THADA: variants seen among roughly 807,000 people sequenced by gnomAD.
THADA encodes the protein tRNA (32-2'-O)-methyltransferase regulator THADA.
A neutral mutation model predicts 219.8 loss-of-function variants in THADA; 213 were observed. The observed-to-expected ratio is 0.97, with a 90% CI of 0.87 to 1.09. The LOEUF (loss-of-function observed/expected upper bound fraction) is 1.09. Ranked by LOEUF, THADA falls within the 50% of genes least tolerant of loss-of-function variation. THADA has a pLI of 0.00. For missense variants in THADA, 2,956 were observed against 2,311.3 expected (o/e 1.28, Z -5.72); for synonymous variants, 1,018 against 828.9 (o/e 1.23, Z -3.92).
chr2:43,527,841 G>C (rs1212733563), intron 22 of THADA, 38 bp downstream of exon 22: 10 of 1,420,668 alleles, frequency 7.0e-6, no homozygotes, highest in African/African-American at 5.7e-5. Flanking sequence ...TGTATATTTA[G>C]TCTTTTTAAA....
Position 43,293,050 on chromosome 2 carries a change from A to G in THADA, c.4602T>C (p.Ser1534=). 1 of 1,613,724 alleles carries G rather than the reference A, an allele frequency of 6.2e-7. No homozygotes were observed. Among genetic ancestry groups the G allele is most frequent in the Non-Finnish European group, 8.5e-7 (1 of 1,179,854 alleles). Reference sequence around the variant, plus strand: ...TGGGGACATTCGTCTCCCGCTCTCCACTCTTGGCTGCCGCGGCCCACACTG... The same window carrying G: ...TGGGGACATTCGTCTCCCGCTCTCCGCTCTTGGCTGCCGCGGCCCACACTG... The part of the protein sequence containing the change: ...IAAVWAAAAK[S]GERETNVPIS... The change falls in exon 32 of 38, where the codon AGT becomes AGC. Residue 1534 remains serine (S), a synonymous_variant. Coordinates refer to ENST00000405975, the MANE Select transcript of THADA (RefSeq NM_022065.5).
chr2:43,390,639 A>G (rs2104690500), intron 29 of THADA, among the ~76,000 whole-genome samples: 1 of 152,152 alleles, frequency 6.6e-6, no homozygotes, highest in Middle Eastern at 3.4e-3. Flanking sequence ...TACCTATTAT[A>G]TTTACTATAA....
chr2:43,506,462 G>A (rs1355645899), intron 23 of THADA, among the ~76,000 whole-genome samples: 2 of 152,140 alleles, frequency 1.3e-5, no homozygotes, highest in African/African-American at 2.4e-5. Context: ...ATAAGTGAAA[G>A]AAGCCACACA....
chr2:43,265,563 G>A (rs1262173148), intron 36 of THADA, among the ~76,000 whole-genome samples: 1 of 152,130 alleles, frequency 6.6e-6, no homozygotes, highest in African/African-American at 2.4e-5. Context: ...CCCCCACGGA[G>A]TTATTTATGA....
chr2:43,406,318 C>G (rs1290299161), intron 28 of THADA, among the ~76,000 whole-genome samples: 1 of 152,304 alleles, frequency 6.6e-6, no homozygotes, highest in East Asian at 1.9e-4. Context: ...TTTAATTGTT[C>G]AGAATTAGAA....
intron 31 of THADA, among the ~76,000 whole-genome samples, chr2:43,309,206 T>A (rs1289034712): frequency 6.6e-6 from 1 of 152,156 alleles, no homozygotes; most frequent in Non-Finnish European, 1.5e-5. Context: ...ACATGACACA[T>A]GAAAAGATGC....
At chr2:43,351,065 C>T (rs1668198728) in intron 29 of THADA, among the ~76,000 whole-genome samples, 1 of 152,154 alleles carries the variant, frequency 6.6e-6, no homozygotes, top group Non-Finnish European at 1.5e-5. Flanking sequence ...TTAACACTCC[C>T]ACTATTTTAG....
chr2:43,592,218 T>C (rs190196462), intron 2 of THADA, 99 bp downstream of exon 2: 39 of 1,055,728 alleles, frequency 3.7e-5, no homozygotes, highest in Admixed American at 1.2e-4. Flanking sequence ...AGGAAAAATA[T>C]AAAGAATTTG....
At chr2:43,438,583 G>C (rs1183221915) in intron 26 of THADA, among the ~76,000 whole-genome samples, 1 of 152,142 alleles carries the variant, frequency 6.6e-6, no homozygotes, top group African/African-American at 2.4e-5. Flanking sequence ...GCAGCCACTT[G>C]TTCATCAACA....
rs1673044748 is a variant in THADA, at chr2:43,389,048, C to T, written c.4227+8923G>A. ...TACCAGAGACCTTGCTACCCACTTC[C>T]CGCATATTAACTCATTTAATCTTCG... On this transcript the variant is annotated intron_variant, in intron 29 of 37. Coordinates refer to ENST00000405975, the MANE Select transcript of THADA (RefSeq NM_022065.5). 2.6e-5 allele frequency among the ~76,000 whole-genome samples: 4 copies of T among 152,106 alleles called. No homozygotes were observed. In the South Asian group the frequency reaches 8.3e-4, roughly 31 times the overall value.
chr2:43,552,343 G>C lies in THADA; in HGVS notation c.2675-4C>G. 1 of 1,581,054 alleles carries C rather than the reference G, an allele frequency of 6.3e-7. No homozygotes were observed. Among genetic ancestry groups the C allele is most frequent in the Non-Finnish European group, 8.6e-7 (1 of 1,167,968 alleles). On this transcript the variant is annotated splice_polypyrimidine_tract_variant and splice_region_variant and intron_variant, in intron 17 of 37. Coordinates refer to ENST00000405975, the MANE Select transcript of THADA (RefSeq NM_022065.5). ...TTTTCCATCAAGCATTTGATAACTA[G>C]AAAAAGCAAACAGAAAATCAAAGTA...
chr2:43,455,500 TCTCG>T (rs1440543134), intron 26 of THADA, among the ~76,000 whole-genome samples: 2 of 133,484 alleles, frequency 1.5e-5, no homozygotes, highest in Non-Finnish European at 3.1e-5. Flanking sequence ...AAGCACGTGC[TCTCG>T]CTCTCTCTCT....
chr2:43,303,212 C>G (rs748984403), intron 31 of THADA, among the ~76,000 whole-genome samples: 1 of 152,164 alleles, frequency 6.6e-6, no homozygotes, highest in African/African-American at 2.4e-5. Flanking sequence ...GTGGCCCATT[C>G]ACACAATTCC....
chr2:43,363,557 G>T (rs764379083), intron 29 of THADA, among the ~76,000 whole-genome samples: 25 of 152,252 alleles, frequency 1.6e-4, no homozygotes, highest in South Asian at 2.1e-4. Context: ...AGAGAAAGAG[G>T]GAGATTTCTC....
Position 43,418,433 on chromosome 2 carries a change from T to C in THADA, c.4058+9667A>G, listed in dbSNP as rs139720991. Among the ~76,000 whole-genome samples, 402 of 152,186 alleles carry C rather than the reference T, an allele frequency of 2.6e-3. 2 individuals are homozygous for C. The highest frequency in any genetic ancestry group is 9.5e-3 in the African/African-American group (396 of 41,534). On this transcript the variant is annotated intron_variant, in intron 28 of 37. Coordinates refer to ENST00000405975, the MANE Select transcript of THADA (RefSeq NM_022065.5). ...AGCGGGAGGAACCTCTGTGCCACCC[T>C]GAGTCCTGATTCTGATATGTTTCCC...
In THADA at chr2:43,577,166, C is replaced by T; in HGVS notation, c.893G>A (p.Cys298Tyr). 6.2e-7 allele frequency: 1 copy of T among 1,609,586 alleles called. No individual in the cohort carries two copies. Among genetic ancestry groups the T allele is most frequent in the Non-Finnish European group, 8.5e-7 (1 of 1,178,142 alleles). ...EWFMSSCRSL[C>Y]CGDISQSAVL... ...AGCTGACTGAGAGATGTCACCACAA[C>T]AGAGGCTCCTGCAGCTGCTCATAAA... Residue 298 changes from cysteine to tyrosine, a missense_variant, in exon 10 of 38, where the codon TGT becomes TAT. By Grantham distance (194) the Cys-to-Tyr change is radical. Coordinates refer to ENST00000405975, the MANE Select transcript of THADA (RefSeq NM_022065.5).
chr2:43,371,727 A>G (rs1355743857), intron 29 of THADA, among the ~76,000 whole-genome samples: 1 of 152,190 alleles, frequency 6.6e-6, no homozygotes, highest in East Asian at 1.9e-4. Flanking sequence ...AGTTTCTTCA[A>G]CTAAAACTAT....
intron 17 of THADA, 41 bp downstream of exon 17, chr2:43,556,304 C>T (rs538837420): frequency 6.2e-7 from 1 of 1,603,948 alleles, no homozygotes; most frequent in African/African-American, 1.3e-5. Flanking sequence ...AATACTGAGA[C>T]TAAGCTATTC....
intron 26 of THADA, among the ~76,000 whole-genome samples, chr2:43,453,756 T>C (rs1401746972): frequency 6.6e-6 from 1 of 152,210 alleles, no homozygotes; most frequent in Admixed American, 6.5e-5. Context: ...ACTTTCAACA[T>C]AGCTGGGAGT....
Sources: allele counts gnomAD v4.1 joint callset (sites outside exome capture counted in the v4.1 genomes callset), GRCh38; gene constraint gnomAD v4.1.1; transcripts MANE v1.5; gene names NCBI Gene and HGNC (gene_info 2026-07-23, HGNC 2026-07-21).